The following ACVR2A variants were observed in gnomAD, a reference collection of about 807,000 sequenced individuals.
ACVR2A encodes activin A receptor type 2A, also known as activin receptor type-2A.
A neutral mutation model predicts 61.4 loss-of-function variants in ACVR2A; 7 were observed. That is an observed-to-expected ratio of 0.11 (90% CI 0.06 to 0.21). The LOEUF (loss-of-function observed/expected upper bound fraction) is 0.21, where lower values mean the gene tolerates loss of function less well. ACVR2A is among the 10% of genes least tolerant of loss of function. The pLI is 1.00. For missense variants in ACVR2A, 322 were observed against 621.7 expected (o/e 0.52, Z 5.13); for synonymous variants, 193 against 208.3 (o/e 0.93, Z 0.63).
At chr2:147,916,287 A>T (rs1266403824) in intron 5 of ACVR2A, among the ~76,000 whole-genome samples, 1 of 151,814 alleles carries the variant, frequency 6.6e-6, no homozygotes, top group Non-Finnish European at 1.5e-5. Flanking sequence ...AAATAAGATA[A>T]GGGAAGAAAT....
chr2:147,899,824 G>T lies in ACVR2A; in HGVS notation c.454G>T (p.Gly152Trp). Reference protein sequence around the residue: ...YSLVPLMLIAGIVICAFWVYR... With the variant: ...YSLVPLMLIAWIVICAFWVYR... Reference sequence around the variant, plus strand: ...CTTGGTGCCACTTATGTTAATTGCGGGGATTGTCATTTGTGCATTTTGGGT... The same window carrying T: ...CTTGGTGCCACTTATGTTAATTGCGTGGATTGTCATTTGTGCATTTTGGGT... The change falls in exon 4 of 11, where the codon GGG becomes TGG. Residue 152 changes from glycine (G) to tryptophan (W), a missense_variant. Physicochemically the swap from Gly to Trp is radical, Grantham distance 184 (BLOSUM62 -2). This residue lies in a region of ACVR2A where 142 missense variants were observed against 200.3 expected (regional missense o/e 0.71). Coordinates refer to ENST00000241416, the MANE Select transcript of ACVR2A (RefSeq NM_001616.5). 1 of 1,613,744 alleles carries T rather than the reference G, an allele frequency of 6.2e-7. No homozygotes were observed. The highest frequency in any genetic ancestry group is 8.5e-7 in the Non-Finnish European group (1 of 1,179,754).
intron 1 of ACVR2A, among the ~76,000 whole-genome samples, chr2:147,867,108 G>T (rs1685875284): frequency 6.6e-6 from 1 of 152,184 alleles, no homozygotes; most frequent in African/African-American, 2.4e-5. Context: ...AGCCTGAAAA[G>T]TCACCACTAG....
At chr2:147,881,644 T>C (rs1573674308) in intron 1 of ACVR2A, among the ~76,000 whole-genome samples, 1 of 18,474 alleles carries the variant, frequency 5.4e-5, no homozygotes, top group African/African-American at 9.5e-5. Context: ...TGTGTGTGTA[T>C]GTGTGTGTGT....
At chr2:147,895,471 C>T (rs747340396) in intron 1 of ACVR2A, among the ~76,000 whole-genome samples, 2 of 152,044 alleles carry the variant, frequency 1.3e-5, no homozygotes, top group African/African-American at 2.4e-5. Flanking sequence ...AGTGCAATGC[C>T]GTGAACCTTG....
chr2:147,926,618 A>G (rs1332740582), intron 10 of ACVR2A, among the ~76,000 whole-genome samples: 1 of 151,986 alleles, frequency 6.6e-6, no homozygotes, highest in Non-Finnish European at 1.5e-5. Flanking sequence ...GAGACCAGGC[A>G]CATAACAGTA....
At chr2:147,874,604 A>T (rs1311952139) in intron 1 of ACVR2A, among the ~76,000 whole-genome samples, 1 of 151,922 alleles carries the variant, frequency 6.6e-6, no homozygotes, top group African/African-American at 2.4e-5. Context: ...AGGGCTGCTC[A>T]GTCAGTCTCT....
At chr2:147,846,263 C>T (rs1272136614) in intron 1 of ACVR2A, among the ~76,000 whole-genome samples, 1 of 149,626 alleles carries the variant, frequency 6.7e-6, no homozygotes, top group Non-Finnish European at 1.5e-5. Flanking sequence ...AAGCTTGTGG[C>T]ATAGAATTAC....
At chr2:147,847,674 A>C (rs1190915324) in intron 1 of ACVR2A, among the ~76,000 whole-genome samples, 1 of 152,106 alleles carries the variant, frequency 6.6e-6, no homozygotes, top group East Asian at 1.9e-4. Context: ...CCAAGTGTAT[A>C]ATTTCCTCCT....
chr2:147,918,485 T>C lies in ACVR2A; in HGVS notation c.855T>C (p.Ser285=). 6 of 1,612,366 alleles carry C rather than the reference T, an allele frequency of 3.7e-6. No individual in the cohort carries two copies. Among genetic ancestry groups the C allele is most frequent in the Middle Eastern group, 1.7e-4 (1 of 6,048 alleles). The change falls in exon 7 of 11, where the codon TCT becomes TCC. Residue 285 remains serine (S), a synonymous_variant. Transcript: ENST00000241416. ...LSDFLKANVV[S]WNELCHIAET... Reference sequence around the variant, plus strand: ...ACTTTCTTAAGGCTAATGTGGTCTCTTGGAATGAACTGTGTCATATTGCAG... The same window carrying C: ...ACTTTCTTAAGGCTAATGTGGTCTCCTGGAATGAACTGTGTCATATTGCAG...
intron 1 of ACVR2A, among the ~76,000 whole-genome samples, chr2:147,851,481 A>G (rs1011689966): frequency 1.3e-5 from 2 of 152,122 alleles, no homozygotes; most frequent in African/African-American, 2.4e-5. Context: ...CAGCCTGAGT[A>G]CTATATTCCA....
chr2:147,922,889 T>G (rs1019281463), intron 8 of ACVR2A, 84 bp from the exon 9 acceptor site: 2 of 1,429,598 alleles, frequency 1.4e-6, no homozygotes, highest in Admixed American at 3.9e-5. Context: ...TAGACCACAT[T>G]TGGTTTTGAT....
At chr2:147,850,436 G>C (rs924248867) in intron 1 of ACVR2A, among the ~76,000 whole-genome samples, 1 of 152,034 alleles carries the variant, frequency 6.6e-6, no homozygotes, top group Non-Finnish European at 1.5e-5. Context: ...ACTTTAGATT[G>C]CTCTTATTCT....
chr2:147,889,109 GTGAT>G (rs1464638580), intron 1 of ACVR2A, among the ~76,000 whole-genome samples: 1 of 151,862 alleles, frequency 6.6e-6, no homozygotes, highest in Non-Finnish European at 1.5e-5. Flanking sequence ...GTTAGATTGT[GTGAT>G]TGATTTTTGA....
intron 5 of ACVR2A, 88 bp from the exon 6 acceptor site, chr2:147,917,195 C>T: frequency 7.5e-7 from 1 of 1,337,016 alleles, no homozygotes. Context: ...TTTTGTTTTA[C>T]TTTGGAACTT....
chr2:147,884,021 C>G (rs1366591090), intron 1 of ACVR2A, among the ~76,000 whole-genome samples: 2 of 152,108 alleles, frequency 1.3e-5, no homozygotes, highest in Non-Finnish European at 2.9e-5. Context: ...GTGTAATTGA[C>G]ACTTTTAGGT....
intron 1 of ACVR2A, among the ~76,000 whole-genome samples, chr2:147,874,271 C>T (rs1686099156): frequency 6.6e-6 from 1 of 151,764 alleles, no homozygotes; most frequent in Admixed American, 6.6e-5. Flanking sequence ...GTTTTTTCAT[C>T]CATAAAATGG....
intron 1 of ACVR2A, among the ~76,000 whole-genome samples, chr2:147,853,288 G>C (rs559785492): frequency 6.6e-6 from 1 of 152,216 alleles, no homozygotes; most frequent in South Asian, 2.1e-4. Flanking sequence ...CTGTATGATG[G>C]ATATGTCTTC....
At chr2:147,869,137 T>A (rs1490540450) in intron 1 of ACVR2A, among the ~76,000 whole-genome samples, 1 of 152,162 alleles carries the variant, frequency 6.6e-6, no homozygotes. Flanking sequence ...CCTTGCATTA[T>A]TTTTTTCTTT....
At chr2:147,844,935 C>G (rs1442596183), upstream of ACVR2A, 4 of 461,452 alleles carry the variant, frequency 8.7e-6, no homozygotes, top group Non-Finnish European at 1.5e-5. Context: ...GTTTTTCCCC[C>G]GTGGTGCATT....
Sources: gnomAD v4.1 joint callset for allele counts (sites outside exome capture counted in the v4.1 genomes callset) on GRCh38, gnomAD v4.1.1 for gene constraint, gnomAD v4.1.1 regional missense constraint, MANE v1.5 for transcripts, NCBI Gene and HGNC (gene_info 2026-07-23, HGNC 2026-07-21) for gene names.